Variants in SNTG1 observed in about 807,000 individuals in gnomAD.
SNTG1 encodes syntrophin gamma 1.
Under a neutral mutation model 74.7 loss-of-function variants are expected in SNTG1, and 39 were observed. The observed-to-expected ratio is 0.52, with a 90% CI of 0.40 to 0.68. The LOEUF (loss-of-function observed/expected upper bound fraction) is 0.68. Ranked by LOEUF, SNTG1 falls within the 30% of genes least tolerant of loss-of-function variation. The pLI, the probability that SNTG1 is intolerant of heterozygous loss-of-function variation, is 0.00. For synonymous variants in SNTG1, 254 were observed against 217.1 expected (o/e 1.17, Z -1.49); for missense variants, 685 against 609.5 (o/e 1.12, Z -1.30).
chr8:50,321,656 T>G (rs941844455), intron 2 of SNTG1, among the ~76,000 whole-genome samples: 5 of 152,130 alleles, frequency 3.3e-5, no homozygotes, highest in African/African-American at 1.2e-4. Context: ...TAGCTTGATT[T>G]AATTTCTTGC....
At chr8:49,934,280 GATCT>G (rs6150575) in intron 1 of SNTG1, among the ~76,000 whole-genome samples, 51,650 of 146,092 alleles carry the variant, frequency 0.35, 9,106 homozygotes, top group East Asian at 0.45. Context: ...ATACTATATA[GATCT>G]ATCTATCTAT....
At chr8:50,525,717 A>G (rs1243407719) in intron 9 of SNTG1, among the ~76,000 whole-genome samples, 5 of 151,688 alleles carry the variant, frequency 3.3e-5, no homozygotes, top group Non-Finnish European at 5.9e-5. Flanking sequence ...TGTCTTTTCT[A>G]TATTTTTGAC....
At chr8:50,437,742 C>A (rs987246871) in intron 4 of SNTG1, among the ~76,000 whole-genome samples, 1 of 152,124 alleles carries the variant, frequency 6.6e-6, no homozygotes, top group Admixed American at 6.6e-5. Context: ...TAAGTTAAAG[C>A]GTTCAGCCCT....
At chr8:50,193,037 G>A (rs1330378468) in intron 2 of SNTG1, among the ~76,000 whole-genome samples, 2 of 152,038 alleles carry the variant, frequency 1.3e-5, no homozygotes, top group Non-Finnish European at 2.9e-5. Flanking sequence ...GTACCATGCT[G>A]TTTGGGTGAC....
intron 11 of SNTG1, among the ~76,000 whole-genome samples, chr8:50,548,938 C>T (rs572470134): frequency 7.2e-5 from 11 of 152,226 alleles, no homozygotes; most frequent in East Asian, 3.9e-4. Context: ...CTTCATTTCA[C>T]GACCAGAGGA....
chr8:50,613,214 G>A (rs149291698), intron 13 of SNTG1, among the ~76,000 whole-genome samples: 147 of 152,212 alleles, frequency 9.7e-4, no homozygotes, highest in African/African-American at 3.5e-3. Context: ...GAAAGACTTG[G>A]GTGAAGTTCG....
intron 17 of SNTG1, among the ~76,000 whole-genome samples, chr8:50,711,220 T>C: frequency 6.6e-6 from 1 of 152,220 alleles, no homozygotes; most frequent in Non-Finnish European, 1.5e-5. Flanking sequence ...TGTCTAATGT[T>C]TTATTAAAAT....
At chr8:50,072,036 T>C (rs575286548) in intron 1 of SNTG1, among the ~76,000 whole-genome samples, 125 of 152,302 alleles carry the variant, frequency 8.2e-4, no homozygotes, top group Non-Finnish European at 1.1e-3. Context: ...CCCAGTGTGA[T>C]TGGTACCAAC....
chr8:50,732,413 T>C (rs1057078462), intron 17 of SNTG1, among the ~76,000 whole-genome samples: 1 of 151,976 alleles, frequency 6.6e-6, no homozygotes, highest in African/African-American at 2.4e-5. Flanking sequence ...TTGTTTGTTT[T>C]AACATAAAAT....
chr8:50,341,551 A>G (rs895739593), intron 2 of SNTG1, among the ~76,000 whole-genome samples: 1 of 152,012 alleles, frequency 6.6e-6, no homozygotes, highest in Non-Finnish European at 1.5e-5. Flanking sequence ...AATTAGGGGA[A>G]GATTGACATG....
intron 1 of SNTG1, among the ~76,000 whole-genome samples, chr8:49,994,421 A>ATTT (rs35821274): frequency 3.0e-5 from 4 of 135,122 alleles, no homozygotes; most frequent in Non-Finnish European, 3.1e-5. Flanking sequence ...ATGCCCGGCT[A>ATTT]TTTTTTTTTT....
chr8:50,370,110 G>T (rs1563952555), intron 2 of SNTG1, among the ~76,000 whole-genome samples: 1 of 152,136 alleles, frequency 6.6e-6, no homozygotes, highest in Non-Finnish European at 1.5e-5. Context: ...AATATAATGA[G>T]ATTGGCTGGC....
intron 12 of SNTG1, among the ~76,000 whole-genome samples, chr8:50,554,742 C>T (rs545956183): frequency 6.6e-6 from 1 of 152,202 alleles, no homozygotes; most frequent in African/African-American, 2.4e-5. Context: ...GTTTCCTCTC[C>T]TTCGACTGAC....
chr8:50,622,354 A>C (rs1285703376), intron 13 of SNTG1, among the ~76,000 whole-genome samples: 2 of 152,194 alleles, frequency 1.3e-5, no homozygotes, highest in Non-Finnish European at 2.9e-5. Context: ...CAAACACCTC[A>C]ACTTGTATAG....
intron 1 of SNTG1, among the ~76,000 whole-genome samples, chr8:49,927,573 C>T (rs1198189310): frequency 6.6e-6 from 1 of 152,014 alleles, no homozygotes; most frequent in African/African-American, 2.4e-5. Flanking sequence ...CCTAGAAAGG[C>T]TACATATTAT....
chr8:50,763,656 G>GTA (rs1171310627), intron 18 of SNTG1, among the ~76,000 whole-genome samples: 6 of 139,884 alleles, frequency 4.3e-5, no homozygotes, highest in African/African-American at 1.7e-4. Context: ...TATTGTGTGT[G>GTA]TGTGTGTGTG....
intron 1 of SNTG1, among the ~76,000 whole-genome samples, chr8:49,938,401 G>A (rs1427216488): frequency 1.3e-5 from 2 of 152,178 alleles, no homozygotes; most frequent in Non-Finnish European, 2.9e-5. Flanking sequence ...AGGAGCATGT[G>A]CATGTTTATT....
At chr8:50,101,234 A>G (rs2080112860) in intron 1 of SNTG1, among the ~76,000 whole-genome samples, 1 of 152,114 alleles carries the variant, frequency 6.6e-6, no homozygotes, top group Non-Finnish European at 1.5e-5. Context: ...TAGGGCTGCA[A>G]TGAACATACA....
chr8:50,587,739 C>A (rs1419174503), intron 12 of SNTG1, among the ~76,000 whole-genome samples: 1 of 151,186 alleles, frequency 6.6e-6, no homozygotes, highest in African/African-American at 2.4e-5. Context: ...GCAGGAGAAT[C>A]GCTTGAACCC....
Sources: gnomAD v4.1 joint callset for allele counts (sites outside exome capture counted in the v4.1 genomes callset) on GRCh38, gnomAD v4.1.1 for gene constraint, MANE v1.5 for transcripts, NCBI Gene and HGNC (gene_info 2026-07-23, HGNC 2026-07-21) for gene names.